The following KAZN variants were observed in gnomAD, a reference collection of about 807,000 sequenced individuals.
KAZN encodes kazrin.
In KAZN, 40 loss-of-function variants were observed where a neutral mutation model predicts 87.4. The ratio of observed to expected loss-of-function variants is 0.46; its 90% CI spans 0.36 to 0.60. The LOEUF (loss-of-function observed/expected upper bound fraction) is 0.60. Among genes scored for constraint, KAZN ranks in the 20% least tolerant of loss-of-function variants. The pLI, the probability that KAZN is intolerant of heterozygous loss-of-function variation, is 0.00. For missense variants in KAZN, 898 were observed against 1,073.9 expected (o/e 0.84, Z 2.29); for synonymous variants, 466 against 458.3 (o/e 1.02, Z -0.22).
chr1:14,841,679 C>A (rs1221707741), intron 1 of KAZN, among the ~76,000 whole-genome samples: 1 of 152,172 alleles, frequency 6.6e-6, no homozygotes, highest in Non-Finnish European at 1.5e-5. Flanking sequence ...GGGAGGATCA[C>A]AACACAGAAA....
chr1:13,982,119 C>T (rs1570446563), intron 1 of KAZN, among the ~76,000 whole-genome samples: 1 of 152,228 alleles, frequency 6.6e-6, no homozygotes, highest in African/African-American at 2.4e-5. Flanking sequence ...CCTAGAGGGA[C>T]TCCAGTCCGG....
intron 2 of KAZN, among the ~76,000 whole-genome samples, chr1:14,315,255 G>C (rs1196434032): frequency 6.6e-6 from 1 of 151,976 alleles, no homozygotes; most frequent in African/African-American, 2.4e-5. Flanking sequence ...ATCCATCTCT[G>C]TTTTTCCCAA....
chr1:14,328,186 T>C (rs559137545), intron 2 of KAZN, among the ~76,000 whole-genome samples: 1 of 152,318 alleles, frequency 6.6e-6, no homozygotes, highest in East Asian at 1.9e-4. Flanking sequence ...TTCTTTTCTG[T>C]CCTTATCAGA....
chr1:14,431,267 G>T (rs1317220068), intron 2 of KAZN, among the ~76,000 whole-genome samples: 6 of 152,108 alleles, frequency 3.9e-5, no homozygotes. Context: ...CCTCAGAGTG[G>T]CCATTAGAGA....
intron 2 of KAZN, among the ~76,000 whole-genome samples, chr1:15,019,231 G>C (rs753490240): frequency 6.6e-6 from 1 of 152,116 alleles, no homozygotes; most frequent in Non-Finnish European, 1.5e-5. Flanking sequence ...CCATGCCCAG[G>C]TCCAGCATCT....
At chr1:14,465,139 C>G (rs1668050466) in intron 2 of KAZN, among the ~76,000 whole-genome samples, 1 of 151,904 alleles carries the variant, frequency 6.6e-6, no homozygotes, top group Admixed American at 6.6e-5. Flanking sequence ...GTGGCTCATG[C>G]CTGTAATCCC....
At chr1:14,478,151 C>G (rs1008399826) in intron 2 of KAZN, among the ~76,000 whole-genome samples, 1 of 150,976 alleles carries the variant, frequency 6.6e-6, no homozygotes, top group Non-Finnish European at 1.5e-5. Flanking sequence ...GAATTCAGGA[C>G]AAGAAAAATC....
intron 1 of KAZN, among the ~76,000 whole-genome samples, chr1:14,759,758 G>A (rs963247373): frequency 3.7e-4 from 56 of 152,102 alleles, no homozygotes; most frequent in African/African-American, 1.3e-3. Context: ...AGAACAGGTC[G>A]GTGTCCATGA....
At chr1:14,002,382 T>C (rs771128400) in intron 1 of KAZN, among the ~76,000 whole-genome samples, 2 of 152,226 alleles carry the variant, frequency 1.3e-5, no homozygotes, top group African/African-American at 2.4e-5. Flanking sequence ...GGGACTGGTC[T>C]TTCCCATGCT....
intron 1 of KAZN, among the ~76,000 whole-genome samples, chr1:14,717,515 C>T (rs1381104447): frequency 6.6e-6 from 1 of 152,130 alleles, no homozygotes; most frequent in African/African-American, 2.4e-5. Context: ...CTTCTGTGGC[C>T]CCCTCCCTGT....
At position 14,552,417 on chromosome 1, in the gene KAZN, T is replaced by C. The variant is rs190679274; in HGVS notation, c.250-46566T>C. 8.6e-4 allele frequency among the ~76,000 whole-genome samples: 131 copies of C among 152,324 alleles called. 1 individual carries two copies. The highest frequency in any genetic ancestry group is 3.0e-3 in the African/African-American group (125 of 41,584). On this transcript the variant is annotated intron_variant, in intron 2 of 16. Coordinates refer to the KAZN transcript ENST00000636203. Reference sequence around the variant, plus strand: ...CCCAGGCCCAGATCCCCACCCTCCGTACCACGGCTCCCCTTCCGGCAACCG... The same window carrying C: ...CCCAGGCCCAGATCCCCACCCTCCGCACCACGGCTCCCCTTCCGGCAACCG...
At chr1:14,491,370 G>C (rs984150946) in intron 2 of KAZN, among the ~76,000 whole-genome samples, 7 of 152,078 alleles carry the variant, frequency 4.6e-5, no homozygotes, top group African/African-American at 1.4e-4. Flanking sequence ...TGTTACGTAG[G>C]TATAGACGTG....
intron 2 of KAZN, among the ~76,000 whole-genome samples, chr1:14,268,686 A>G (rs1264227784): frequency 6.6e-6 from 1 of 152,200 alleles, no homozygotes; most frequent in East Asian, 1.9e-4. Flanking sequence ...ATATGCGACC[A>G]TGAAACCAGA....
At chr1:14,552,388 GCCTCC>G (rs1673590692) in intron 2 of KAZN, among the ~76,000 whole-genome samples, 1 of 152,232 alleles carries the variant, frequency 6.6e-6, no homozygotes, top group Non-Finnish European at 1.5e-5. Flanking sequence ...GAGGGCAGCT[GCCTCC>G]CAGGCCCAGA....
chr1:14,116,629 C>T (rs1482058308), intron 1 of KAZN, among the ~76,000 whole-genome samples: 1 of 152,186 alleles, frequency 6.6e-6, no homozygotes, highest in Non-Finnish European at 1.5e-5. Flanking sequence ...TCAGAGCCCC[C>T]CACATGGAGT....
At chr1:14,092,634 T>TAC (rs949695727) in intron 1 of KAZN, among the ~76,000 whole-genome samples, 10 of 151,514 alleles carry the variant, frequency 6.6e-5, no homozygotes, top group South Asian at 2.1e-4. Context: ...TACACACCCT[T>TAC]ACACACACAC....
intron 3 of KAZN, among the ~76,000 whole-genome samples, chr1:15,041,481 G>T (rs1412835341): frequency 6.6e-6 from 1 of 151,642 alleles, no homozygotes; most frequent in Admixed American, 6.6e-5. Context: ...GGGATTACAG[G>T]CATGCACCAC....
intron 2 of KAZN, among the ~76,000 whole-genome samples, chr1:14,374,226 T>C (rs1326375192): frequency 6.6e-6 from 1 of 152,186 alleles, no homozygotes; most frequent in Non-Finnish European, 1.5e-5. Context: ...TCCTTGTAGG[T>C]GTCCTGACCA....
At chr1:14,027,497 C>T (rs7523739) in intron 1 of KAZN, among the ~76,000 whole-genome samples, 4,457 of 152,228 alleles carry the variant, frequency 0.029, 219 homozygotes, top group African/African-American at 0.1. Flanking sequence ...CCCCCCGCCA[C>T]CTCCCAACAC....
Sources: gnomAD v4.1 joint callset for allele counts (sites outside exome capture counted in the v4.1 genomes callset) on GRCh38, gnomAD v4.1.1 for gene constraint, MANE v1.5 for transcripts, NCBI Gene and HGNC (gene_info 2026-07-23, HGNC 2026-07-21) for gene names.